Variants in STRN3 observed in about 807,000 individuals in gnomAD.
STRN3 encodes the protein striatin-3.
Under a neutral mutation model 95.6 loss-of-function variants are expected in STRN3, and 29 were observed. The ratio of observed to expected loss-of-function variants is 0.30; its 90% CI spans 0.23 to 0.41. The LOEUF is 0.41. Ranked by LOEUF, STRN3 falls within the 10% of genes least tolerant of loss-of-function variation. The pLI is 1.00. For missense variants in STRN3, 890 were observed against 972.1 expected (o/e 0.92, Z 1.12); for synonymous variants, 331 against 357.6 (o/e 0.93, Z 0.84).
intron 13 of STRN3, among the ~76,000 whole-genome samples, chr14:30,909,049 C>T (rs56298468): frequency 0.092 from 13,973 of 152,278 alleles, 709 homozygotes; most frequent in South Asian, 0.16. Context: ...CTCAGTTACT[C>T]ACATCAAACA....
At chr14:30,926,751 CT>C (rs1445734715) in intron 8 of STRN3, among the ~76,000 whole-genome samples, 1 of 151,768 alleles carries the variant, frequency 6.6e-6, no homozygotes, top group African/African-American at 2.4e-5. Flanking sequence ...GTGGAATGGG[CT>C]GAATAACAGA....
chr14:30,983,574 T>C (rs1490546134), intron 1 of STRN3, among the ~76,000 whole-genome samples: 1 of 152,198 alleles, frequency 6.6e-6, no homozygotes, highest in Non-Finnish European at 1.5e-5. Flanking sequence ...AAGGCAAAGA[T>C]GTTTTTTCAT....
chr14:31,025,966 G>A lies in STRN3; in HGVS notation c.220C>T (p.His74Tyr). Reference sequence around the variant, plus strand: ...TCCATCTCGAACCGAGCCCACTCGTGCTGGATGTAGTGCAGTATCCCCGGG... The same window carrying A: ...TCCATCTCGAACCGAGCCCACTCGTACTGGATGTAGTGCAGTATCCCCGGG... The part of the protein sequence containing the change: ...TIPGILHYIQ[H>Y]EWARFEMERA... The change falls in exon 1 of 18, where the codon CAC becomes TAC. Residue 74 changes from histidine (H) to tyrosine (Y), a missense_variant. Coordinates refer to ENST00000357479, the MANE Select transcript of STRN3 (RefSeq NM_001083893.2). 6.3e-7 allele frequency: 1 copy of A among 1,586,944 alleles called. No homozygotes were observed. The highest frequency in any genetic ancestry group is 2.3e-5 in the East Asian group (1 of 42,686).
chr14:30,937,435 T>C (rs1214926765), intron 5 of STRN3, among the ~76,000 whole-genome samples: 1 of 152,194 alleles, frequency 6.6e-6, no homozygotes, highest in East Asian at 1.9e-4. Flanking sequence ...ACTCAAAATC[T>C]ATTAAATAAA....
chr14:30,984,127 G>GC (rs59078202), intron 1 of STRN3, among the ~76,000 whole-genome samples: 12,751 of 81,358 alleles, frequency 0.16, 1,035 homozygotes, highest in East Asian at 0.44. Flanking sequence ...CATCTTCCCC[G>GC]CCCCCCCCAA....
intron 1 of STRN3, among the ~76,000 whole-genome samples, chr14:30,977,509 A>G (rs992353549): frequency 6.6e-6 from 1 of 151,672 alleles, no homozygotes; most frequent in Non-Finnish European, 1.5e-5. Context: ...GAGGCCGGGC[A>G]TGGTGGCTCA....
At chr14:30,971,067 T>C (rs912558336) in intron 1 of STRN3, among the ~76,000 whole-genome samples, 1 of 152,270 alleles carries the variant, frequency 6.6e-6, no homozygotes, top group Non-Finnish European at 1.5e-5. Context: ...GTTCACTTTG[T>C]GTCTCTCACA....
chr14:30,921,105 C>CACA (rs1410378146), intron 8 of STRN3, among the ~76,000 whole-genome samples: 4 of 151,316 alleles, frequency 2.6e-5, no homozygotes, highest in Non-Finnish European at 4.4e-5. Flanking sequence ...CACACACACA[C>CACA]ACTTCCTTAT....
intron 1 of STRN3, among the ~76,000 whole-genome samples, chr14:31,015,565 G>A (rs1422791065): frequency 1.3e-5 from 2 of 151,172 alleles, no homozygotes; most frequent in African/African-American, 4.9e-5. Flanking sequence ...TAGAGACAGG[G>A]TTTCACCATG....
Position 30,931,467 on chromosome 14 carries a change from G to A in STRN3, c.989-2156C>T, listed in dbSNP as rs61976770. 9.1e-3 allele frequency among the ~76,000 whole-genome samples: 1,384 copies of A among 152,190 alleles called. 6 individuals carry two copies. The highest frequency in any genetic ancestry group is 0.015 in the Non-Finnish European group (1,022 of 68,012). ...CCACAAAAACACGAAATTCTATTAC[G>A]GCAATTCTGATTACCAAAGCAGATG... On this transcript the variant is annotated intron_variant, in intron 7 of 17. Coordinates refer to ENST00000357479, the MANE Select transcript of STRN3 (RefSeq NM_001083893.2).
intron 1 of STRN3, among the ~76,000 whole-genome samples, chr14:30,965,728 C>T (rs972922915): frequency 7.3e-4 from 95 of 130,134 alleles, no homozygotes; most frequent in African/African-American, 2.6e-3. Context: ...GAACGAGAAT[C>T]GCTTGTACCA....
At chr14:31,000,178 A>G (rs964810286) in intron 1 of STRN3, among the ~76,000 whole-genome samples, 3 of 149,022 alleles carry the variant, frequency 2.0e-5, no homozygotes, top group African/African-American at 7.4e-5. Flanking sequence ...ATTCAAATCC[A>G]CCTAAAAAAT....
In STRN3 at chr14:30,988,838, T is replaced by C. The variant is rs185433593; in HGVS notation, c.283-32596A>G. ...TTGCACTTTACAGCCATCCAACTTT[T>C]GTTCACACTATTTATACCACAGGAA... On this transcript the variant is annotated intron_variant, in intron 1 of 17. Coordinates refer to ENST00000357479, the MANE Select transcript of STRN3 (RefSeq NM_001083893.2). 6.1e-4 allele frequency among the ~76,000 whole-genome samples: 93 copies of C among 152,356 alleles called. 1 individual carries two copies. The highest frequency in any genetic ancestry group is 1.9e-4 in the Non-Finnish European group (13 of 68,030).
At chr14:30,943,887 T>C (rs936770282) in intron 5 of STRN3, among the ~76,000 whole-genome samples, 37 of 151,726 alleles carry the variant, frequency 2.4e-4, no homozygotes, top group African/African-American at 8.0e-4. Context: ...GAGGAGGAAA[T>C]GGGGAGCTGC....
chr14:30,984,292 A>AC (rs1566474971), intron 1 of STRN3, among the ~76,000 whole-genome samples: 1 of 127,470 alleles, frequency 7.8e-6, no homozygotes, highest in East Asian at 2.2e-4. Flanking sequence ...AAAAAAAAAA[A>AC]CAGAAAAGAA....
intron 1 of STRN3, among the ~76,000 whole-genome samples, chr14:30,987,803 G>A (rs1029202514): frequency 6.6e-5 from 10 of 151,494 alleles, no homozygotes; most frequent in African/African-American, 2.2e-4. Flanking sequence ...AGTGGCGCGC[G>A]GTCTTGGTAC....
intron 9 of STRN3, among the ~76,000 whole-genome samples, chr14:30,917,635 T>C (rs1896774636): frequency 6.6e-6 from 1 of 152,016 alleles, no homozygotes; most frequent in African/African-American, 2.4e-5. Context: ...ATAGTGGAAA[T>C]GAGATCTGAA....
At chr14:30,941,127 T>C (rs770047116) in intron 5 of STRN3, among the ~76,000 whole-genome samples, 23 of 152,192 alleles carry the variant, frequency 1.5e-4, no homozygotes, top group Non-Finnish European at 2.6e-4. Flanking sequence ...TGCTGACACA[T>C]TGATCTTAGA....
chr14:30,934,788 T>C (rs995671963), intron 7 of STRN3, among the ~76,000 whole-genome samples: 1 of 152,130 alleles, frequency 6.6e-6, no homozygotes, highest in Admixed American at 6.6e-5. Flanking sequence ...TATATGGACA[T>C]ACAGAGAGTT....
Sources: allele counts gnomAD v4.1 joint callset (sites outside exome capture counted in the v4.1 genomes callset), GRCh38; gene constraint gnomAD v4.1.1; transcripts MANE v1.5; gene names NCBI Gene and HGNC (gene_info 2026-07-23, HGNC 2026-07-21).